Variants in CERT1 observed in about 807,000 individuals in gnomAD.
The protein encoded by CERT1 is ceramide transfer protein.
A neutral mutation model predicts 87.9 loss-of-function variants in CERT1; 31 were observed. The ratio of observed to expected loss-of-function variants is 0.35; its 90% confidence interval spans 0.27 to 0.48. CERT1 has a LOEUF of 0.48. Ranked by LOEUF, CERT1 falls within the 20% of genes least tolerant of loss-of-function variation. The probability of loss-of-function intolerance (pLI) is 0.99; values close to 1 mark genes in which losing one functional copy is unlikely to be tolerated. For missense variants in CERT1, 487 were observed against 758.0 expected (o/e 0.64, Z 4.20); for synonymous variants, 289 against 250.9 (o/e 1.15, Z -1.44).
At chr5:75,387,266 G>A (rs192203264) in intron 12 of CERT1, among the ~76,000 whole-genome samples, 2 of 152,308 alleles carry the variant, frequency 1.3e-5, no homozygotes, top group African/African-American at 4.8e-5. Context: ...TGGTGCCAAA[G>A]GTGCAGAGCA....
intron 11 of CERT1, among the ~76,000 whole-genome samples, chr5:75,396,760 G>T (rs1222641294): frequency 6.8e-6 from 1 of 147,152 alleles, no homozygotes; most frequent in African/African-American, 2.5e-5. Flanking sequence ...AAACAGAAAA[G>T]ACCGATGCAA....
At chr5:75,463,574 G>GA (rs1484213828) in intron 2 of CERT1, among the ~76,000 whole-genome samples, 1 of 152,058 alleles carries the variant, frequency 6.6e-6, no homozygotes, top group African/African-American at 2.4e-5. Flanking sequence ...ATGTCCAAAA[G>GA]AAAAAGAAAA....
intron 11 of CERT1, among the ~76,000 whole-genome samples, chr5:75,393,740 C>G (rs548859287): frequency 5.3e-5 from 8 of 150,902 alleles, no homozygotes; most frequent in African/African-American, 1.9e-4. Context: ...CTGAGGCACG[C>G]GGACCACGAG....
chr5:75,473,960 T>A (rs1260564926), intron 2 of CERT1, among the ~76,000 whole-genome samples: 1 of 152,204 alleles, frequency 6.6e-6, no homozygotes, highest in East Asian at 1.9e-4. Flanking sequence ...GACCCTCTCA[T>A]ATTATTTTAT....
chr5:75,509,677 C>A (rs189497999), intron 1 of CERT1, among the ~76,000 whole-genome samples: 1 of 152,022 alleles, frequency 6.6e-6, no homozygotes, highest in Non-Finnish European at 1.5e-5. Context: ...CAATTTGTTT[C>A]GTAAAATACT....
At chr5:75,401,091 A>G (rs1303988976) in intron 9 of CERT1, 1 of 152,234 alleles carries the variant, frequency 6.6e-6, no homozygotes, top group African/African-American at 2.4e-5. Flanking sequence ...TTTATGGATT[A>G]CTGAAGCTCT....
At chr5:75,457,999 T>C (rs1197788707) in intron 3 of CERT1, among the ~76,000 whole-genome samples, 2 of 150,180 alleles carry the variant, frequency 1.3e-5, no homozygotes, top group Admixed American at 1.3e-4. Context: ...TGTGTGTGTT[T>C]TGTGCCTGTT....
At chr5:75,417,072 A>T (rs777116760) in intron 6 of CERT1, 39 bp from the exon 7 acceptor site, 6 of 1,389,282 alleles carry the variant, frequency 4.3e-6, no homozygotes, top group Non-Finnish European at 6.0e-6. Context: ...ATCTCTAATG[A>T]GGAAATAATT....
At chr5:75,374,941 G>A (rs546446981), downstream of CERT1, 5 of 278,370 alleles carry the variant, frequency 1.8e-5, no homozygotes, top group South Asian at 1.8e-4. Flanking sequence ...GTTAGACCAA[G>A]TGTGAAGTGA....
chr5:75,459,962 C>CA (rs753591061), intron 2 of CERT1, among the ~76,000 whole-genome samples: 3,517 of 25,340 alleles, frequency 0.14, 335 homozygotes, highest in African/African-American at 0.17. Context: ...TCCTCCGTCT[C>CA]AAAAAAAAAA....
chr5:75,438,199 C>T (rs765718169), intron 3 of CERT1, among the ~76,000 whole-genome samples: 3 of 152,070 alleles, frequency 2.0e-5, no homozygotes, highest in Non-Finnish European at 2.9e-5. Context: ...TCTCAAAAAT[C>T]GTATCTATCA....
chr5:75,462,404 T>C (rs181315516), intron 2 of CERT1, among the ~76,000 whole-genome samples: 54 of 152,252 alleles, frequency 3.5e-4, no homozygotes, highest in African/African-American at 1.3e-3. Context: ...CTCGCATAAA[T>C]AGTTCACGAT....
intron 2 of CERT1, among the ~76,000 whole-genome samples, chr5:75,487,297 G>C (rs1190867952): frequency 2.0e-5 from 3 of 152,128 alleles, no homozygotes; most frequent in African/African-American, 7.2e-5. Flanking sequence ...AATGAAACTA[G>C]ACCCCTACCT....
intron 2 of CERT1, among the ~76,000 whole-genome samples, chr5:75,504,380 T>C (rs1477526857): frequency 6.6e-6 from 1 of 152,180 alleles, no homozygotes; most frequent in African/African-American, 2.4e-5. Flanking sequence ...GAGCGTAGTT[T>C]CATTATCAAC....
At chr5:75,490,831 G>T (rs1419137797) in intron 2 of CERT1, among the ~76,000 whole-genome samples, 11 of 151,954 alleles carry the variant, frequency 7.2e-5, no homozygotes, top group Admixed American at 7.2e-4. Flanking sequence ...TCAGTATCTG[G>T]TAACTTTTTT....
At chr5:75,430,507 A>G (rs977514556) in intron 3 of CERT1, among the ~76,000 whole-genome samples, 1 of 152,202 alleles carries the variant, frequency 6.6e-6, no homozygotes, top group Non-Finnish European at 1.5e-5. Flanking sequence ...TATGACAAAC[A>G]AGAGCAGGCC....
At chr5:75,466,125 C>A (rs1345187096) in intron 2 of CERT1, among the ~76,000 whole-genome samples, 1 of 152,160 alleles carries the variant, frequency 6.6e-6, no homozygotes, top group African/African-American at 2.4e-5. Context: ...GCTACTGGAA[C>A]TGGGATGCTG....
intron 2 of CERT1, among the ~76,000 whole-genome samples, chr5:75,504,560 T>G (rs1767565350): frequency 6.6e-6 from 1 of 152,236 alleles, no homozygotes. Flanking sequence ...GATTAGATAT[T>G]AACGGAAATC....
Position 75,417,053 on chromosome 5 carries a change from A to T in CERT1, c.680-20T>A, listed in dbSNP as rs1438441626. ...GAAATACTGAAAATGAAAATTATTC[A>T]CTGAAAATATCTCTAATGAGGAAAT... On this transcript the variant is annotated intron_variant, in intron 6 of 16. Transcript: ENST00000643780. The T allele has an allele frequency of 2.0e-6, 3 of 1,514,556 alleles. No homozygotes were observed. The Admixed American group carries it at 5.4e-5, about 27-fold the overall frequency. 93.8% of individuals were successfully genotyped at this position (1,514,556 alleles called of 1,614,324 possible).
Sources: gnomAD v4.1 joint callset for allele counts (sites outside exome capture counted in the v4.1 genomes callset) on GRCh38, gnomAD v4.1.1 for gene constraint, MANE v1.5 for transcripts, NCBI Gene and HGNC (gene_info 2026-07-23, HGNC 2026-07-21) for gene names.